The following BRD8 variants were observed in gnomAD, a reference collection of about 807,000 sequenced individuals.
The protein encoded by BRD8 is bromodomain containing 8.
In BRD8, 67 loss-of-function variants were observed where a neutral mutation model predicts 143.1. The ratio of observed to expected loss-of-function variants is 0.47; its 90% CI spans 0.38 to 0.57. The LOEUF (loss-of-function observed/expected upper bound fraction) is 0.57, where lower values mean the gene tolerates loss of function less well. BRD8 is among the 20% of genes least tolerant of loss of function. The probability of loss-of-function intolerance (pLI) is 0.00; values close to 1 mark genes in which losing one functional copy is unlikely to be tolerated. For synonymous variants in BRD8, 505 were observed against 517.1 expected, an observed-to-expected ratio of 0.98 and a Z score of 0.32; for missense variants, 1,103 against 1,503.0, an observed-to-expected ratio of 0.73 and a Z score of 4.40.
Position 138,165,186 on chromosome 5 carries a change from AC to A in BRD8, c.1279-21del. The A allele has an allele frequency of 2.5e-6, 4 of 1,606,772 alleles. No individual in the cohort carries two copies. The highest frequency in any genetic ancestry group is 3.4e-6 in the Non-Finnish European group (4 of 1,177,930). On this transcript the variant is annotated intron_variant, in intron 11 of 26. Transcript: ENST00000254900. Reference sequence around the variant, plus strand: ...ATCTACCTGTCCCACAAAACACAAGACTATTGAGGTCACAGAAAGAAGCCCA... The same window carrying A: ...ATCTACCTGTCCCACAAAACACAAGATATTGAGGTCACAGAAAGAAGCCCA...
chr5:138,176,876 G>A (rs1404964523), intron 2 of BRD8, among the ~76,000 whole-genome samples: 1 of 151,704 alleles, frequency 6.6e-6, no homozygotes, highest in Non-Finnish European at 1.5e-5. Context: ...CTCGAACGCA[G>A]GAGTTCGAGA....
At chr5:138,148,169 A>G (rs550092071) in intron 23 of BRD8, among the ~76,000 whole-genome samples, 44 of 150,298 alleles carry the variant, frequency 2.9e-4, no homozygotes, top group Admixed American at 2.7e-3. Flanking sequence ...GAAAAAAAAA[A>G]AAAAAAAGAA....
At chr5:138,171,433 T>C (rs972640850) in intron 3 of BRD8, 23 bp from the exon 4 acceptor site, 1 of 1,200,390 alleles carries the variant, frequency 8.3e-7, no homozygotes, top group Non-Finnish European at 1.2e-6. Context: ...AAAAAAAAAG[T>C]GAAAATGTGA....
chr5:138,150,989 G>A lies in BRD8; in HGVS notation c.2876C>T (p.Pro959Leu), dbSNP rs553603929. ...FLSEVAYLME[P>L]LCISSNESSE... ...TGATTCGTTGCTGCTGATGCACAAG[G>A]GCTCCATTAAATAAGCTACCTGCAA... The change falls in exon 22 of 27, where the codon CCC (proline) becomes CTC (leucine). Residue 959 changes from proline to leucine, a missense_variant. This residue lies in a region of BRD8 where 369 missense variants were observed against 445.5 expected (regional missense o/e 0.83). Coordinates refer to ENST00000254900, the MANE Select transcript of BRD8 (RefSeq NM_139199.2). 2 of 1,612,252 alleles carry A rather than the reference G, an allele frequency of 1.2e-6. No individual in the cohort carries two copies. Among genetic ancestry groups the A allele is most frequent in the South Asian group, 1.1e-5 (1 of 90,756 alleles).
intron 25 of BRD8, among the ~76,000 whole-genome samples, chr5:138,144,912 A>G (rs1320337288): frequency 7.0e-6 from 1 of 143,514 alleles, no homozygotes; most frequent in African/African-American, 2.7e-5. Flanking sequence ...AAAAAAAAAA[A>G]AAAAAAATAT....
chr5:138,164,994 C>T lies in BRD8; in HGVS notation c.1451G>A (p.Arg484Lys), dbSNP rs1344091376. 1 of 1,614,224 alleles carries T rather than the reference C, an allele frequency of 6.2e-7. No homozygotes were observed. Among genetic ancestry groups the T allele is most frequent in the Non-Finnish European group, 8.5e-7 (1 of 1,180,032 alleles). The change falls in exon 12 of 27, where the codon AGA becomes AAA. Residue 484 changes from arginine to lysine, a missense_variant. Arg to Lys is a conservative substitution (Grantham distance 26). Around this residue, in one of 7 missense-constraint regions of BRD8, gnomAD observed 139 missense variants for 139.0 expected, o/e 1.00. Coordinates refer to ENST00000254900, the MANE Select transcript of BRD8 (RefSeq NM_139199.2). ...GTTTTCCGTTTCCTCAAAGTCCAGT[C>T]TCTCTTGCTTGACCGTCATTTCTGG... ...PAPEMTVKQERLDFEETENKG... is the reference protein window; with the variant it reads ...PAPEMTVKQEKLDFEETENKG...
Position 138,167,918 on chromosome 5 carries a change from A to C in BRD8, c.787+16T>G. 2.5e-6 allele frequency: 4 copies of C among 1,611,588 alleles called. No individual in the cohort carries two copies. The highest frequency in any genetic ancestry group is 3.4e-6 in the Non-Finnish European group (4 of 1,177,666). On this transcript the variant is annotated intron_variant, in intron 9 of 26. Transcript: ENST00000254900. ...TCAACACCTTTGAGGTTGATAAAGG[A>C]AAAGTGGTAACTTACCTGATGCAGC...
intron 16 of BRD8, 66 bp from the exon 17 acceptor site, chr5:138,161,930 A>G: frequency 1.3e-6 from 2 of 1,583,836 alleles, no homozygotes; most frequent in Non-Finnish European, 1.7e-6. Context: ...AACTTACTCT[A>G]AGTAACTAAA....
At chr5:138,158,057 A>G (rs1182313715) in intron 20 of BRD8, among the ~76,000 whole-genome samples, 1 of 152,232 alleles carries the variant, frequency 6.6e-6, no homozygotes, top group African/African-American at 2.4e-5. Flanking sequence ...TAAGTTGCCC[A>G]TGAGGCAACA....
At chr5:138,157,133 C>A (rs979581251) in intron 20 of BRD8, 3 of 1,599,640 alleles carry the variant, frequency 1.9e-6, no homozygotes, top group Non-Finnish European at 2.5e-6. Flanking sequence ...ACCTCTGGAA[C>A]TGGGCCCGCA....
chr5:138,145,238 T>A lies in BRD8; in HGVS notation c.3376A>T (p.Ser1126Cys), dbSNP rs1274717162. The change falls in exon 25 of 27, where the codon AGT (serine) becomes TGT (cysteine). Residue 1126 changes from serine to cysteine, a missense_variant. By Grantham distance (112) the Ser-to-Cys change is moderately radical. Transcript: ENST00000254900. Reference sequence around the variant, plus strand: ...TCTGACACAGGCTTCAGAAATGGACTGCTGAACCTGTTAAGGGACAAACCC... The same window carrying A: ...TCTGACACAGGCTTCAGAAATGGACAGCTGAACCTGTTAAGGGACAAACCC... The part of the protein sequence containing the change: ...WKMIASHRFS[S>C]PFLKPVSERQ... The A allele has an allele frequency of 6.2e-7, 1 of 1,613,828 alleles. No homozygotes were observed. Among genetic ancestry groups the A allele is most frequent in the East Asian group, 2.2e-5 (1 of 44,866 alleles).
intron 19 of BRD8, 136 bp downstream of exon 19, chr5:138,159,933 T>C: frequency 1.5e-6 from 1 of 678,738 alleles, no homozygotes; most frequent in East Asian, 2.6e-5. Context: ...CAAACCACCA[T>C]CATTCTAAGA....
At chr5:138,143,844 C>T (rs575702729) in intron 25 of BRD8, among the ~76,000 whole-genome samples, 2 of 152,044 alleles carry the variant, frequency 1.3e-5, no homozygotes, top group Non-Finnish European at 2.9e-5. Flanking sequence ...TAAAATGGAC[C>T]AATCAGTACT....
At chr5:138,171,532 G>C in intron 3 of BRD8, 122 bp from the exon 4 acceptor site, 1 of 669,390 alleles carries the variant, frequency 1.5e-6, no homozygotes, top group Non-Finnish European at 2.6e-6. Flanking sequence ...GACGGGAGTG[G>C]TTTACTAGGA....
intron 18 of BRD8, 98 bp downstream of exon 18, chr5:138,160,793 G>A (rs1430654379): frequency 9.6e-6 from 11 of 1,149,750 alleles, no homozygotes; most frequent in Middle Eastern, 4.2e-4. Flanking sequence ...AGCTATCCAC[G>A]TAAAAGCCAC....
At chr5:138,156,825 TACACACACACACACACACACAC>T (rs67288912) in intron 20 of BRD8, 76 of 803,092 alleles carry the variant, frequency 9.5e-5, no homozygotes, top group East Asian at 7.1e-4. Context: ...AAGTTTCAAA[TACACACACACACACACACACAC>T]ACACACACAC....
rs1753572653 is a variant in BRD8, at chr5:138,167,959, A to G, written c.762T>C (p.Thr254=). 1.2e-6 allele frequency: 2 copies of G among 1,613,872 alleles called. 1 individual carries two copies. The highest frequency in any genetic ancestry group is 1.7e-6 in the Non-Finnish European group (2 of 1,179,842). ...CTGATGCAGCAGGGGAGGCTGCAAC[A>G]GTATTGGGTGTTTGCTGTATCTCCC... ...HGGEIQQTPN[T]VAASPAASGA... Residue 254 remains threonine (T), a synonymous_variant, in exon 9 of 27, where the codon ACT becomes ACC. Transcript: ENST00000254900.
intron 25 of BRD8, 128 bp from the exon 26 acceptor site, chr5:138,141,010 A>G: frequency 1.0e-6 from 1 of 959,436 alleles, no homozygotes; most frequent in Non-Finnish European, 1.6e-6. Context: ...AACCCTCATC[A>G]GATAATAAAA....
chr5:138,158,066 C>T (rs1581422667), intron 20 of BRD8, among the ~76,000 whole-genome samples: 1 of 152,168 alleles, frequency 6.6e-6, no homozygotes, highest in African/African-American at 2.4e-5. Context: ...CATGAGGCAA[C>T]AGTGAAAATA....
Sources: gnomAD v4.1 joint callset for allele counts (sites outside exome capture counted in the v4.1 genomes callset) on GRCh38, gnomAD v4.1.1 for gene constraint, gnomAD v4.1.1 regional missense constraint, MANE v1.5 for transcripts, NCBI Gene and HGNC (gene_info 2026-07-23, HGNC 2026-07-21) for gene names.